The following DLG1 variants were observed in gnomAD, a reference collection of about 807,000 sequenced individuals.
The protein encoded by DLG1 is discs large MAGUK scaffold protein 1.
Under a neutral mutation model 123.4 loss-of-function variants are expected in DLG1, and 42 were observed. The ratio of observed to expected loss-of-function variants is 0.34; its 90% CI spans 0.27 to 0.44. The LOEUF (loss-of-function observed/expected upper bound fraction) is 0.44, where lower values mean the gene tolerates loss of function less well. Ranked by LOEUF, DLG1 falls within the 20% of genes least tolerant of loss-of-function variation. The pLI is 1.00. For missense variants in DLG1, 942 were observed against 1,082.6 expected (o/e 0.87, Z 1.82); for synonymous variants, 317 against 356.2 (o/e 0.89, Z 1.24).
intron 8 of DLG1, among the ~76,000 whole-genome samples, chr3:197,139,411 T>C (rs1442290181): frequency 6.6e-6 from 1 of 152,154 alleles, no homozygotes; most frequent in Non-Finnish European, 1.5e-5. Flanking sequence ...ATTCAAAAAC[T>C]GCGTAAGGCA....
chr3:197,287,178 T>C (rs929731277), intron 3 of DLG1, among the ~76,000 whole-genome samples: 2 of 151,798 alleles, frequency 1.3e-5, no homozygotes, highest in Non-Finnish European at 2.9e-5. Flanking sequence ...GCCTACAAGA[T>C]GGAAAAGGGA....
At chr3:197,285,045 A>AAAC (rs1771190124) in intron 3 of DLG1, among the ~76,000 whole-genome samples, 2 of 148,054 alleles carry the variant, frequency 1.4e-5, no homozygotes, top group Admixed American at 6.7e-5. Context: ...AAAAAAAAAA[A>AAAC]AACTGGAAAT....
intron 5 of DLG1, among the ~76,000 whole-genome samples, chr3:197,164,002 G>C (rs182090976): frequency 1.3e-5 from 2 of 152,168 alleles, no homozygotes; most frequent in Admixed American, 1.3e-4. Context: ...TTTTAAAAAT[G>C]CATGAAAACT....
intron 3 of DLG1, among the ~76,000 whole-genome samples, chr3:197,286,641 T>C (rs148129420): frequency 2.1e-4 from 32 of 152,296 alleles, no homozygotes; most frequent in African/African-American, 6.7e-4. Flanking sequence ...GATTTGTCAA[T>C]GTACAATGCA....
At chr3:197,227,967 T>C (rs989064788) in intron 4 of DLG1, among the ~76,000 whole-genome samples, 1 of 152,216 alleles carries the variant, frequency 6.6e-6, no homozygotes, top group African/African-American at 2.4e-5. Flanking sequence ...TAAAAATACA[T>C]TTACTAAGTC....
At chr3:197,061,049 C>A (rs1269154669) in intron 22 of DLG1, among the ~76,000 whole-genome samples, 1 of 152,180 alleles carries the variant, frequency 6.6e-6, no homozygotes. Flanking sequence ...AGTGATCCAC[C>A]CACCTTGGCC....
intron 4 of DLG1, among the ~76,000 whole-genome samples, chr3:197,270,727 C>T (rs1450239809): frequency 6.6e-6 from 1 of 152,096 alleles, no homozygotes; most frequent in African/African-American, 2.4e-5. Context: ...TGGAGGTCCC[C>T]ACCTTTACGC....
intron 4 of DLG1, among the ~76,000 whole-genome samples, chr3:197,262,482 T>G (rs1163115770): frequency 6.6e-6 from 1 of 152,194 alleles, no homozygotes; most frequent in Non-Finnish European, 1.5e-5. Context: ...CTGAGTTCTG[T>G]AAGCCATCCT....
At chr3:197,104,808 G>A in intron 14 of DLG1, 95 bp downstream of exon 14, 2 of 866,288 alleles carry the variant, frequency 2.3e-6, no homozygotes, top group East Asian at 2.8e-5. Flanking sequence ...AAAAAAGGAA[G>A]TTTAGCTTGG....
chr3:197,065,600 GATAAA>G (rs1406162970), intron 21 of DLG1, 103 bp downstream of exon 21: 8 of 999,546 alleles, frequency 8.0e-6, no homozygotes, highest in African/African-American at 6.5e-5. Flanking sequence ...AAGAGTAACT[GATAAA>G]ATAAGTACAA....
intron 4 of DLG1, among the ~76,000 whole-genome samples, chr3:197,205,194 G>A (rs536247786): frequency 7.0e-4 from 106 of 152,202 alleles, no homozygotes; most frequent in African/African-American, 2.5e-3. Flanking sequence ...GGAGGAAGGG[G>A]GAAGCAAAAT....
intron 4 of DLG1, among the ~76,000 whole-genome samples, chr3:197,220,941 T>TA (rs1274296699): frequency 6.6e-6 from 1 of 152,246 alleles, no homozygotes; most frequent in South Asian, 2.1e-4. Flanking sequence ...TAATTACTGT[T>TA]AAAAATTATT....
intron 3 of DLG1, among the ~76,000 whole-genome samples, chr3:197,286,650 CAA>C (rs2151192347): frequency 6.6e-6 from 1 of 152,200 alleles, no homozygotes; most frequent in Non-Finnish European, 1.5e-5. Context: ...ATGTACAATG[CAA>C]AGAGTGACTA....
intron 4 of DLG1, among the ~76,000 whole-genome samples, chr3:197,275,984 G>C (rs542044249): frequency 1.3e-5 from 2 of 152,210 alleles, no homozygotes; most frequent in South Asian, 4.1e-4. Context: ...AATACCACAA[G>C]CACCATATAA....
chr3:197,048,006 G>A (rs1021870356), intron 24 of DLG1, among the ~76,000 whole-genome samples: 11 of 152,152 alleles, frequency 7.2e-5, no homozygotes, highest in African/African-American at 2.7e-4. Flanking sequence ...CATGCAATTG[G>A]TAAGGGGTTA....
At chr3:197,133,574 T>C (rs1783702185) in intron 10 of DLG1, among the ~76,000 whole-genome samples, 1 of 152,320 alleles carries the variant, frequency 6.6e-6, no homozygotes, top group Admixed American at 6.5e-5. Flanking sequence ...GTGAAATGTG[T>C]AAGATGATGA....
intron 5 of DLG1, among the ~76,000 whole-genome samples, chr3:197,152,749 C>T (rs572356580): frequency 5.2e-5 from 6 of 115,464 alleles, no homozygotes; most frequent in South Asian, 2.6e-4. Context: ...GGCAACAGAG[C>T]GAGACTCTGT....
At chr3:197,048,671 T>C (rs1725105051) in intron 24 of DLG1, among the ~76,000 whole-genome samples, 1 of 152,162 alleles carries the variant, frequency 6.6e-6, no homozygotes, top group Non-Finnish European at 1.5e-5. Flanking sequence ...ATTATTATTT[T>C]TGAGACAGAG....
intron 5 of DLG1, 143 bp from the exon 6 acceptor site, chr3:197,149,939 T>C: frequency 1.7e-6 from 1 of 594,224 alleles, no homozygotes; most frequent in Admixed American, 3.2e-5. Context: ...TAATATATCC[T>C]TTCTCCAGCA....
Sources: gnomAD v4.1 joint callset for allele counts (sites outside exome capture counted in the v4.1 genomes callset) on GRCh38, gnomAD v4.1.1 for gene constraint, MANE v1.5 for transcripts, NCBI Gene and HGNC (gene_info 2026-07-23, HGNC 2026-07-21) for gene names.